The following SERPINB8 variants were observed in gnomAD, a reference collection of about 807,000 sequenced individuals.
SERPINB8 encodes serpin family B member 8, also known as serpin B8.
SERPINB8 carries 25 observed loss-of-function variants against 35.3 expected under a neutral mutation model. That is an observed-to-expected ratio of 0.71 (90% CI 0.52 to 0.99). The LOEUF (loss-of-function observed/expected upper bound fraction) is 0.99, where lower values mean the gene tolerates loss of function less well. SERPINB8 is among the 50% of genes least tolerant of loss of function. SERPINB8 has a pLI of 0.00. For missense variants in SERPINB8, 484 were observed against 446.5 expected, an observed-to-expected ratio of 1.08 and a Z score of -0.76; for synonymous variants, 186 against 160.8, an observed-to-expected ratio of 1.16 and a Z score of -1.19.
At chr18:63,986,483 G>C in intron 6 of SERPINB8, 2 of 1,367,342 alleles carry the variant, frequency 1.5e-6, no homozygotes, top group Non-Finnish European at 1.9e-6. Flanking sequence ...AGAGTTCTGA[G>C]CCATGCTCTT....
intron 3 of SERPINB8, among the ~76,000 whole-genome samples, chr18:63,981,361 G>T (rs555395914): frequency 1.3e-5 from 2 of 152,348 alleles, no homozygotes; most frequent in South Asian, 4.1e-4. Flanking sequence ...GATGCAAAAT[G>T]AGTAAAAGTG....
At chr18:63,970,713 C>T (rs1168368255) in intron 1 of SERPINB8, 1 of 152,432 alleles carries the variant, frequency 6.6e-6, no homozygotes, top group Non-Finnish European at 1.5e-5. Context: ...CGCCGAGTCC[C>T]TGCTCCCCTG....
At chr18:63,972,562 T>C (rs1268766836) in intron 1 of SERPINB8, among the ~76,000 whole-genome samples, 1 of 152,274 alleles carries the variant, frequency 6.6e-6, no homozygotes, top group East Asian at 1.9e-4. Flanking sequence ...TAGGTATACA[T>C]GAGCCATGTT....
At chr18:64,014,540 C>T (rs548641627) in intron 7 of SERPINB8, among the ~76,000 whole-genome samples, 26 of 152,238 alleles carry the variant, frequency 1.7e-4, no homozygotes, top group African/African-American at 6.0e-4. Context: ...GCTGAGCATC[C>T]TATCAGCAAT....
chr18:64,011,859 G>A (rs2050927336), intron 7 of SERPINB8, among the ~76,000 whole-genome samples: 1 of 152,030 alleles, frequency 6.6e-6, no homozygotes, highest in Admixed American at 6.6e-5. Context: ...GTGGAAGCTG[G>A]GCTATTGTAT....
At chr18:64,013,328 C>T (rs1291128442) in intron 7 of SERPINB8, among the ~76,000 whole-genome samples, 1 of 152,086 alleles carries the variant, frequency 6.6e-6, no homozygotes, top group Non-Finnish European at 1.5e-5. Context: ...TTATTACTTT[C>T]GGAAATCAAC....
chr18:63,975,516 G>A (rs117537903), intron 1 of SERPINB8, among the ~76,000 whole-genome samples: 456 of 152,266 alleles, frequency 3.0e-3, no homozygotes, highest in Non-Finnish European at 5.3e-3. Flanking sequence ...ATAGAGTACT[G>A]TTGTGCAAAT....
Position 63,987,404 on chromosome 18 carries a change from T to TG in SERPINB8, c.*127dup. ...TAAAGCGTGTGCACTGGATAGTGTGTGAAAGTCTTTGCTGAAAGTTCCAGA... is the reference window on the plus strand; with the variant it reads ...TAAAGCGTGTGCACTGGATAGTGTGTGGAAAGTCTTTGCTGAAAGTTCCAGA... On this transcript the variant is annotated 3_prime_UTR_variant, in exon 7 of 7. Coordinates refer to ENST00000397985, the MANE Select transcript of SERPINB8 (RefSeq NM_002640.4). 2.0e-6 allele frequency: 2 copies of TG among 992,402 alleles called. No individual in the cohort carries two copies. The highest frequency in any genetic ancestry group is 3.3e-5 in the South Asian group (2 of 59,946). The allele number at this position is 992,402 out of a possible 1,614,324, so 61.5% of individuals were successfully genotyped here.
chr18:64,013,050 G>A lies in SERPINB8; in HGVS notation c.*3-5860G>A, dbSNP rs116342275. Among the ~76,000 whole-genome samples, 579 of 152,034 alleles carry A rather than the reference G, an allele frequency of 3.8e-3. 4 individuals are homozygous for A. The highest frequency in any genetic ancestry group is 0.014 in the African/African-American group (562 of 41,456). ...ACATTCAAATCTCCTTTTCTCTCAG[G>A]GCAGCTTTTAAGAATTACTTTCCAA... On this transcript the variant is annotated intron_variant, in intron 7 of 7. Transcript: ENST00000636430.
chr18:63,986,564 T>C lies in SERPINB8; in HGVS notation c.721-310T>C, dbSNP rs184585691. The C allele has an allele frequency of 1.6e-3, 2,070 of 1,318,294 alleles. 3 individuals are homozygous for C. The highest frequency in any genetic ancestry group is 1.9e-3 in the Non-Finnish European group (1,984 of 1,039,300). The allele number at this position is 1,318,294 out of a possible 1,614,324, so 81.7% of individuals were successfully genotyped here. On this transcript the variant is annotated intron_variant, in intron 6 of 6. Transcript: ENST00000397985. ...CATGAAGATTAATGTAATGAATTGG[T>C]TAGAATTTTCTAAACTGTTAAAAAA... is the stretch of plus-strand genomic sequence containing the variant.
At chr18:64,015,161 C>A (rs2050943857) in intron 7 of SERPINB8, among the ~76,000 whole-genome samples, 2 of 152,124 alleles carry the variant, frequency 1.3e-5, no homozygotes, top group Admixed American at 1.3e-4. Flanking sequence ...ACAGACCTAA[C>A]TTCAGAGAGC....
intron 1 of SERPINB8, among the ~76,000 whole-genome samples, chr18:63,995,350 C>T (rs1359052406): frequency 6.6e-6 from 1 of 152,162 alleles, no homozygotes; most frequent in Non-Finnish European, 1.5e-5. Flanking sequence ...GAGGAAATGT[C>T]CTTCTTGGCC....
chr18:63,990,387 T>A (rs141760415), downstream of SERPINB8, among the ~76,000 whole-genome samples: 1 of 152,290 alleles, frequency 6.6e-6, no homozygotes, highest in African/African-American at 2.4e-5. Context: ...TTTGTTTTCT[T>A]ATTGTATTTT....
intron 6 of SERPINB8, chr18:63,986,434 G>C: frequency 6.9e-7 from 1 of 1,452,318 alleles, no homozygotes; most frequent in Non-Finnish European, 9.0e-7. Flanking sequence ...GTTGCCCTCT[G>C]ATTTAACCCT....
chr18:64,002,218 T>G (rs949751469), intron 1 of SERPINB8, among the ~76,000 whole-genome samples: 3 of 152,156 alleles, frequency 2.0e-5, no homozygotes, highest in Non-Finnish European at 4.4e-5. Flanking sequence ...CTTAGCACCG[T>G]GGCTCCAGCG....
intron 1 of SERPINB8, among the ~76,000 whole-genome samples, chr18:63,997,205 C>T (rs887201993): frequency 3.3e-5 from 5 of 152,162 alleles, no homozygotes; most frequent in Admixed American, 2.0e-4. Flanking sequence ...TGTTATTGGG[C>T]CTAGGTAGAT....
intron 1 of SERPINB8, among the ~76,000 whole-genome samples, chr18:64,002,474 C>T (rs1190279865): frequency 1.3e-5 from 2 of 152,210 alleles, no homozygotes; most frequent in Non-Finnish European, 2.9e-5. Flanking sequence ...CCAAAATCCT[C>T]TCTATGTAAC....
Position 63,987,610 on chromosome 18 carries a change from C to T in SERPINB8, c.*332C>T, listed in dbSNP as rs772743888. ...AGGAGCCAGCCCTCTTCCATCCGCCCGGCTCTGCCCACCACCACTGCCAGG... is the reference window on the plus strand; with the variant it reads ...AGGAGCCAGCCCTCTTCCATCCGCCTGGCTCTGCCCACCACCACTGCCAGG... On this transcript the variant is annotated 3_prime_UTR_variant, in exon 7 of 7. Transcript: ENST00000397985. 27 of 240,836 alleles carry T rather than the reference C, an allele frequency of 1.1e-4. No homozygotes were observed. Among genetic ancestry groups the T allele is most frequent in the African/African-American group, 2.5e-4 (11 of 44,436 alleles). The allele number at this position is 240,836 out of a possible 1,614,324, so 14.9% of individuals were successfully genotyped here.
exon 2 of SERPINB8, chr18:64,005,210 T>C (rs1228297472): frequency 1.0e-5 from 2 of 196,500 alleles, no homozygotes; most frequent in African/African-American, 4.6e-5. Context: ...ACATCAAGAG[T>C]GGGCAACGAT....
Sources: allele counts gnomAD v4.1 joint callset (sites outside exome capture counted in the v4.1 genomes callset), GRCh38; gene constraint gnomAD v4.1.1; transcripts MANE v1.5; gene names NCBI Gene and HGNC (gene_info 2026-07-23, HGNC 2026-07-21).